The following RAPGEF2 variants were observed in gnomAD, a reference collection of about 807,000 sequenced individuals.
RAPGEF2 encodes Rap guanine nucleotide exchange factor 2.
Under a neutral mutation model 186.7 loss-of-function variants are expected in RAPGEF2, and 54 were observed. The ratio of observed to expected loss-of-function variants is 0.29; its 90% CI spans 0.23 to 0.36. The LOEUF is 0.36. Among genes scored for constraint, RAPGEF2 ranks in the 10% least tolerant of loss-of-function variants. RAPGEF2 has a pLI of 1.00. For missense variants in RAPGEF2, 1,532 were observed against 2,045.0 expected, an observed-to-expected ratio of 0.75 and a Z score of 4.84; for synonymous variants, 712 against 705.9, an observed-to-expected ratio of 1.01 and a Z score of -0.14.
Position 159,358,150 on chromosome 4 carries a change from T to C in RAPGEF2, c.*11T>C. The C allele has an allele frequency of 6.2e-7, 1 of 1,610,996 alleles. No homozygotes were observed. Among genetic ancestry groups the C allele is most frequent in the Non-Finnish European group, 8.5e-7 (1 of 1,178,612 alleles). ...GTTTCTGCTGTTTGAGGCACAGACT[T>C]TTCTGGAAGCAGAGCGAGCCACCTG... On this transcript the variant is annotated 3_prime_UTR_variant, in exon 30 of 30. Coordinates refer to ENST00000691494, the MANE Select transcript of RAPGEF2 (RefSeq NM_001394067.2).
chr4:159,219,424 G>T (rs6536397), intron 4 of RAPGEF2, among the ~76,000 whole-genome samples: 1,566 of 143,924 alleles, frequency 0.011, 8 homozygotes, highest in Admixed American at 0.016. Flanking sequence ...GGTGCGATCT[G>T]GGCTCACTGC....
chr4:159,124,058 G>A lies in RAPGEF2; in HGVS notation c.69+19827G>A, dbSNP rs146718473. On this transcript the variant is annotated intron_variant, in intron 1 of 29. Coordinates refer to ENST00000691494, the MANE Select transcript of RAPGEF2 (RefSeq NM_001394067.2). ...TTTAGTAGAGATGGCGTTTCGCCATGTTGGCCAGGCTGTTCTCAACTCCTG... is the reference window on the plus strand; with the variant it reads ...TTTAGTAGAGATGGCGTTTCGCCATATTGGCCAGGCTGTTCTCAACTCCTG... Among the ~76,000 whole-genome samples the A allele has an allele frequency of 3.3e-3, 503 of 150,894 alleles. 5 individuals are homozygous for A. The highest frequency in any genetic ancestry group is 0.012 in the African/African-American group (486 of 41,074).
intron 4 of RAPGEF2, among the ~76,000 whole-genome samples, chr4:159,213,444 T>C (rs559000672): frequency 6.6e-6 from 1 of 152,360 alleles, no homozygotes; most frequent in South Asian, 2.1e-4. Context: ...CTCTTGAAAG[T>C]GCCAACTCGT....
At chr4:159,124,854 T>C (rs11944081) in intron 1 of RAPGEF2, among the ~76,000 whole-genome samples, 95,393 of 151,984 alleles carry the variant, frequency 0.63, 30,748 homozygotes, top group African/African-American at 0.78. Flanking sequence ...TGCAAAACTT[T>C]TTAAAGATAC....
chr4:159,166,198 C>T (rs1389159749), intron 1 of RAPGEF2, among the ~76,000 whole-genome samples: 2 of 152,018 alleles, frequency 1.3e-5, no homozygotes, highest in Non-Finnish European at 2.9e-5. Context: ...CCTGTAGTCC[C>T]AGCTACTTGG....
At chr4:159,255,714 T>C (rs1371319458) in intron 7 of RAPGEF2, among the ~76,000 whole-genome samples, 2 of 152,176 alleles carry the variant, frequency 1.3e-5, no homozygotes, top group Admixed American at 1.3e-4. Context: ...TTTTAAATAG[T>C]CTCATTTTCT....
rs534716249 is a variant in RAPGEF2 at position 159,204,952 on chromosome 4, C to G, written c.198-5548C>G. 7.9e-5 allele frequency among the ~76,000 whole-genome samples: 12 copies of G among 152,272 alleles called. No homozygotes were observed. In the South Asian group the frequency reaches 2.3e-3, roughly 29 times the overall value. ...TGGAAATCCTCAGTCAGGGTTCTTT[C>G]AGGATTAAGCTTTGGCATTTCAGCA... On this transcript the variant is annotated intron_variant, in intron 3 of 29. Transcript: ENST00000691494.
intron 2 of RAPGEF2, among the ~76,000 whole-genome samples, chr4:159,190,711 T>C (rs1160807708): frequency 6.6e-6 from 1 of 151,972 alleles, no homozygotes; most frequent in Non-Finnish European, 1.5e-5. Flanking sequence ...GAAGAATGAG[T>C]GCCCAGCGAA....
intron 17 of RAPGEF2, among the ~76,000 whole-genome samples, chr4:159,333,101 T>C (rs1044432233): frequency 3.9e-5 from 6 of 152,068 alleles, no homozygotes; most frequent in Admixed American, 2.6e-4. Flanking sequence ...TGCTTCAGTC[T>C]CCCGAGTAGC....
intron 8 of RAPGEF2, among the ~76,000 whole-genome samples, chr4:159,308,875 A>G (rs1194219421): frequency 2.0e-5 from 3 of 152,062 alleles, no homozygotes; most frequent in Non-Finnish European, 4.4e-5. Flanking sequence ...GTTGAGAGTG[A>G]GAGGGTTGGC....
chr4:159,314,457 G>C, intron 8 of RAPGEF2, 134 bp from the exon 9 acceptor site: 1 of 762,822 alleles, frequency 1.3e-6, no homozygotes, highest in Non-Finnish European at 1.9e-6. Flanking sequence ...TGTAGTTTCT[G>C]GTGCATACAT....
At chr4:159,356,324 C>T (rs1732003625) in intron 29 of RAPGEF2, among the ~76,000 whole-genome samples, 166 bp downstream of exon 29, 1 of 151,942 alleles carries the variant, frequency 6.6e-6, no homozygotes, top group Non-Finnish European at 1.5e-5. Context: ...CAGCTGTTGA[C>T]TGCTTTCTTT....
chr4:159,272,199 C>G (rs914554744), intron 7 of RAPGEF2, among the ~76,000 whole-genome samples: 15 of 152,256 alleles, frequency 9.9e-5, no homozygotes, highest in African/African-American at 3.6e-4. Flanking sequence ...CCATACAGGC[C>G]ACGATTCATT....
At chr4:159,286,228 T>C (rs1760474604) in intron 7 of RAPGEF2, among the ~76,000 whole-genome samples, 1 of 152,146 alleles carries the variant, frequency 6.6e-6, no homozygotes, top group Non-Finnish European at 1.5e-5. Flanking sequence ...CTCAGGTTGC[T>C]CAAACCTCTG....
At chr4:159,139,350 T>C (rs547902203) in intron 1 of RAPGEF2, among the ~76,000 whole-genome samples, 48 of 152,308 alleles carry the variant, frequency 3.2e-4, no homozygotes, top group African/African-American at 1.0e-3. Context: ...ATTAAAAGGA[T>C]TGTTGCTTCC....
intron 23 of RAPGEF2, among the ~76,000 whole-genome samples, 191 bp downstream of exon 23, chr4:159,344,250 G>A (rs2111281199): frequency 6.6e-6 from 1 of 152,302 alleles, no homozygotes; most frequent in South Asian, 2.1e-4. Context: ...TTGAAGTCAT[G>A]ATCCATGAGA....
At chr4:159,110,899 A>AGT (rs1738416554) in intron 1 of RAPGEF2, among the ~76,000 whole-genome samples, 2 of 80,158 alleles carry the variant, frequency 2.5e-5, no homozygotes, top group African/African-American at 1.5e-4. Context: ...TCAGAGCTAG[A>AGT]ATATATATTT....
intron 7 of RAPGEF2, chr4:159,267,033 G>T (rs917160836): frequency 2.2e-6 from 1 of 448,754 alleles, no homozygotes; most frequent in Admixed American, 3.8e-5. Flanking sequence ...AGGAGGGGGC[G>T]AGTCTTAAGG....
At chr4:159,267,807 T>C (rs1477942170) in intron 7 of RAPGEF2, 58 of 1,010,068 alleles carry the variant, frequency 5.7e-5, no homozygotes, top group Admixed American at 1.1e-4. Flanking sequence ...TTTTTTTTTT[T>C]CCTCTCCTTT....
Sources: gnomAD v4.1 joint callset for allele counts (sites outside exome capture counted in the v4.1 genomes callset) on GRCh38, gnomAD v4.1.1 for gene constraint, MANE v1.5 for transcripts, NCBI Gene and HGNC (gene_info 2026-07-23, HGNC 2026-07-21) for gene names.